DNER: variants seen among roughly 807,000 people sequenced by gnomAD.
DNER encodes the protein delta and Notch-like epidermal growth factor-related receptor.
In DNER, 33 loss-of-function variants were observed where a neutral mutation model predicts 78.2. That is an observed-to-expected ratio of 0.42 (90% CI 0.32 to 0.56). DNER has a LOEUF of 0.56. Ranked by LOEUF, DNER falls within the 20% of genes least tolerant of loss-of-function variation. The pLI, the probability that DNER is intolerant of heterozygous loss-of-function variation, is 0.11. For synonymous variants in DNER, 417 were observed against 384.8 expected (o/e 1.08, Z -0.98); for missense variants, 918 against 975.3 (o/e 0.94, Z 0.78).
chr2:229,620,480 G>A (rs933809558), intron 1 of DNER, among the ~76,000 whole-genome samples: 3 of 152,336 alleles, frequency 2.0e-5, no homozygotes, highest in African/African-American at 7.2e-5. Context: ...ACTCCTTCAA[G>A]AAGGGCTCCT....
chr2:229,533,832 C>T (rs897374155), intron 5 of DNER, among the ~76,000 whole-genome samples: 6 of 152,160 alleles, frequency 3.9e-5, no homozygotes, highest in African/African-American at 9.7e-5. Context: ...TTTTTGTTAT[C>T]GGAGATAAAA....
intron 1 of DNER, among the ~76,000 whole-genome samples, chr2:229,713,499 A>AC (rs904087760): frequency 3.3e-5 from 5 of 152,164 alleles, no homozygotes; most frequent in African/African-American, 1.2e-4. Context: ...TGCCAGCGCC[A>AC]CGTACAATGC....
rs185295579 is a variant in DNER, at chr2:229,555,425, T to C, written c.848-8333A>G. Reference sequence around the variant, plus strand: ...CCCCCTTTGTCTGGAATACTCCTCCTTCTTCCAGTCTTACAGCCATTGAGA... The same window carrying C: ...CCCCCTTTGTCTGGAATACTCCTCCCTCTTCCAGTCTTACAGCCATTGAGA... On this transcript the variant is annotated intron_variant, in intron 4 of 12. Coordinates refer to ENST00000341772, the MANE Select transcript of DNER (RefSeq NM_139072.4). Among the ~76,000 whole-genome samples, 987 of 151,980 alleles carry C rather than the reference T, an allele frequency of 6.5e-3. 12 individuals are homozygous for C. The highest frequency in any genetic ancestry group is 0.022 in the African/African-American group (927 of 41,544).
intron 1 of DNER, among the ~76,000 whole-genome samples, chr2:229,616,709 C>A (rs1287958652): frequency 6.6e-6 from 1 of 152,200 alleles, no homozygotes; most frequent in Non-Finnish European, 1.5e-5. Context: ...TAGATCATGT[C>A]TAGGGCCCTT....
chr2:229,446,906 T>C (rs903203030), intron 8 of DNER, among the ~76,000 whole-genome samples: 1 of 152,244 alleles, frequency 6.6e-6, no homozygotes, highest in African/African-American at 2.4e-5. Context: ...AAGAAGATAT[T>C]CTGTTAACTT....
At chr2:229,681,902 A>G (rs1699394820) in intron 1 of DNER, among the ~76,000 whole-genome samples, 1 of 152,174 alleles carries the variant, frequency 6.6e-6, no homozygotes, top group Non-Finnish European at 1.5e-5. Context: ...ATTTATAAAA[A>G]CATAATTATG....
intron 4 of DNER, among the ~76,000 whole-genome samples, chr2:229,559,275 A>G (rs1318986544): frequency 2.0e-5 from 3 of 152,162 alleles, no homozygotes. Context: ...TACGGATGGT[A>G]TTAAAACCAC....
At chr2:229,429,758 C>T (rs1693966444) in intron 8 of DNER, among the ~76,000 whole-genome samples, 1 of 152,228 alleles carries the variant, frequency 6.6e-6, no homozygotes, top group African/African-American at 2.4e-5. Context: ...GATTTCACCA[C>T]CCAGGAACTT....
In DNER at chr2:229,357,868, A is replaced by G. The variant is rs1393140925; in HGVS notation, c.*672T>C. 2 of 152,580 alleles carry G rather than the reference A, an allele frequency of 1.3e-5. No individual in the cohort carries two copies. Among genetic ancestry groups the G allele is most frequent in the Admixed American group, 6.5e-5 (1 of 15,274 alleles). The allele number at this position is 152,580 out of a possible 1,614,324, so 9.5% of individuals were successfully genotyped here. A position where few individuals can be genotyped will look rare whatever the true frequency, so the allele number is the denominator to read the frequency against. Reference sequence around the variant, plus strand: ...AACCCTTGACTTTTTAAAGAAAAATATAGATTCAAATCAATCAGAATTTGC... The same window carrying G: ...AACCCTTGACTTTTTAAAGAAAAATGTAGATTCAAATCAATCAGAATTTGC... On this transcript the variant is annotated 3_prime_UTR_variant, in exon 13 of 13. Transcript: ENST00000341772.
Position 229,714,281 on chromosome 2 carries a change from C to G in DNER, c.143G>C (p.Cys48Ser). ...PAAPLSAPGPCAAQPCRNGGV... is the reference protein window; with the variant it reads ...PAAPLSAPGPSAAQPCRNGGV... ...CCCATTCCGGCAGGGCTGCGCGGCGCACGGCCCGGGCGCAGACAGGGGCGC... is the reference window on the plus strand; with the variant it reads ...CCCATTCCGGCAGGGCTGCGCGGCGGACGGCCCGGGCGCAGACAGGGGCGC... Residue 48 changes from cysteine (C) to serine (S), a missense_variant, in exon 1 of 13, where the codon TGC (cysteine) becomes TCC (serine). Coordinates refer to ENST00000341772, the MANE Select transcript of DNER (RefSeq NM_139072.4). 1 of 1,374,600 alleles carries G rather than the reference C, an allele frequency of 7.3e-7. No homozygotes were observed. Among genetic ancestry groups the G allele is most frequent in the East Asian group, 3.1e-5 (1 of 32,160 alleles). 85.2% of individuals were successfully genotyped at this position (1,374,600 alleles called of 1,614,324 possible).
intron 6 of DNER, among the ~76,000 whole-genome samples, chr2:229,482,093 T>A (rs1695172003): frequency 6.6e-6 from 1 of 152,256 alleles, no homozygotes; most frequent in Non-Finnish European, 1.5e-5. Context: ...AGTCTATACC[T>A]AACCATGGAG....
At position 229,516,239 on chromosome 2, in the gene DNER, C is replaced by T. The variant is rs186616595; in HGVS notation, c.994-3303G>A. Among the ~76,000 whole-genome samples, 143 of 152,196 alleles carry T rather than the reference C, an allele frequency of 9.4e-4. 1 individual carries two copies. Among genetic ancestry groups the T allele is most frequent in the Non-Finnish European group, 1.6e-3 (106 of 67,990 alleles). On this transcript the variant is annotated intron_variant, in intron 5 of 12. Transcript: ENST00000341772. ...TATTTTCTAAGAACAAAGAGCTTTC[C>T]TATAATATTAAAAAGTTTGTTTTGA...
intron 1 of DNER, among the ~76,000 whole-genome samples, chr2:229,710,983 G>GTGCACACA (rs1553555263): frequency 2.1e-5 from 3 of 139,724 alleles, no homozygotes; most frequent in African/African-American, 5.4e-5. Flanking sequence ...GCATACACGC[G>GTGCACACA]CACACACACA....
chr2:229,608,360 G>A (rs1697979790), intron 1 of DNER, among the ~76,000 whole-genome samples: 1 of 152,206 alleles, frequency 6.6e-6, no homozygotes, highest in Non-Finnish European at 1.5e-5. Flanking sequence ...CAACAGACAT[G>A]TGACCCACAA....
In DNER at chr2:229,623,157, C is replaced by T. The variant is rs139303275; in HGVS notation, c.277-31269G>A. Among the ~76,000 whole-genome samples the T allele has an allele frequency of 1.5e-3, 222 of 152,200 alleles. 6 individuals carry two copies. In the East Asian group the frequency reaches 0.016, roughly 11 times the overall value. ...CATGGTGGGAGCATTCTCCCTATTG[C>T]GCAATAGTCCCCTCCTCTAATTGTA... On this transcript the variant is annotated intron_variant, in intron 1 of 12. Transcript: ENST00000341772.
In DNER at chr2:229,714,133, G is replaced by A; in HGVS notation, c.276+15C>T. 3.9e-6 allele frequency: 5 copies of A among 1,293,664 alleles called. No homozygotes were observed. Among genetic ancestry groups the A allele is most frequent in the Middle Eastern group, 3.0e-4 (1 of 3,370 alleles). 80.1% of individuals were successfully genotyped at this position (1,293,664 alleles called of 1,614,324 possible). A position where few individuals can be genotyped will look rare whatever the true frequency, so the allele number is the denominator to read the frequency against. ...CGGACCAGCGCCCCGCACCGCGCCC[G>A]CCGCTTCCACTCACCTGGCAGTTGG... On this transcript the variant is annotated intron_variant, in intron 1 of 12. Coordinates refer to ENST00000341772, the MANE Select transcript of DNER (RefSeq NM_139072.4).
In DNER at chr2:229,714,229, C is replaced by T; in HGVS notation, c.195G>A (p.Pro65=). ...NGGVCTSRPE[P]DPQHPAPAGE... ...CGGCGGGGGCCGGGTGCTGCGGGTC[C>T]GGCTCAGGGCGCGAGGTGCACACAC... The change falls in exon 1 of 13, where the codon CCG becomes CCA. Residue 65 remains proline (P), a synonymous_variant. Transcript: ENST00000341772. 7.1e-7 allele frequency: 1 copy of T among 1,405,174 alleles called. No individual in the cohort carries two copies. The allele number at this position is 1,405,174 out of a possible 1,614,324, so 87.0% of individuals were successfully genotyped here. A position where few individuals can be genotyped will look rare whatever the true frequency, so the allele number is the denominator to read the frequency against.
intron 1 of DNER, among the ~76,000 whole-genome samples, chr2:229,620,937 C>T (rs1698242223): frequency 6.6e-6 from 1 of 152,180 alleles, no homozygotes; most frequent in African/African-American, 2.4e-5. Context: ...GGAGAAAGGC[C>T]TCAGGAGAAA....
intron 6 of DNER, among the ~76,000 whole-genome samples, chr2:229,505,784 G>T (rs971005119): frequency 1.8e-4 from 28 of 152,136 alleles, no homozygotes; most frequent in Admixed American, 6.5e-5. Context: ...AATGTAAAAA[G>T]ATATTATTTT....
Sources: gnomAD v4.1 joint callset for allele counts (sites outside exome capture counted in the v4.1 genomes callset) on GRCh38, gnomAD v4.1.1 for gene constraint, MANE v1.5 for transcripts, NCBI Gene and HGNC (gene_info 2026-07-23, HGNC 2026-07-21) for gene names.